The following PPP1R13B variants were observed in gnomAD, a reference collection of about 807,000 sequenced individuals.
The protein encoded by PPP1R13B is protein phosphatase 1 regulatory subunit 13B, also known as apoptosis-stimulating of p53 protein 1.
A neutral mutation model predicts 119.8 loss-of-function variants in PPP1R13B; 44 were observed. The ratio of observed to expected loss-of-function variants is 0.37; its 90% CI spans 0.29 to 0.47. The LOEUF is 0.47. PPP1R13B is among the 20% of genes least tolerant of loss of function. PPP1R13B has a pLI of 0.99. For synonymous variants in PPP1R13B, 542 were observed against 561.5 expected, an observed-to-expected ratio of 0.97 and a Z score of 0.49; for missense variants, 1,227 against 1,413.5, an observed-to-expected ratio of 0.87 and a Z score of 2.12.
intron 15 of PPP1R13B, chr14:103,737,435 C>A: frequency 5.7e-6 from 2 of 351,406 alleles, no homozygotes; most frequent in Non-Finnish European, 1.0e-5. Flanking sequence ...AATTAGCTGG[C>A]TGTGGTGGGA....
chr14:103,840,032 CAA>C (rs1319955022), intron 1 of PPP1R13B: 1 of 152,072 alleles, frequency 6.6e-6, no homozygotes, highest in Non-Finnish European at 1.5e-5. Flanking sequence ...ATGATATCAC[CAA>C]AGATTCTTAT....
chr14:103,755,103 A>G (rs2084644837), intron 5 of PPP1R13B, among the ~76,000 whole-genome samples: 1 of 151,926 alleles, frequency 6.6e-6, no homozygotes, highest in African/African-American at 2.4e-5. Context: ...TATTACACTC[A>G]TCTACACCAG....
At chr14:103,752,787 C>G (rs938407825) in intron 7 of PPP1R13B, among the ~76,000 whole-genome samples, 5 of 152,180 alleles carry the variant, frequency 3.3e-5, no homozygotes, top group African/African-American at 1.2e-4. Flanking sequence ...CCCGCCTCGG[C>G]TTCCCAAAGT....
chr14:103,806,578 T>C (rs149000435), intron 1 of PPP1R13B, among the ~76,000 whole-genome samples: 2 of 152,166 alleles, frequency 1.3e-5, no homozygotes, highest in Non-Finnish European at 2.9e-5. Flanking sequence ...TAAGGTCCCT[T>C]CTGGCCCTGA....
intron 1 of PPP1R13B, among the ~76,000 whole-genome samples, chr14:103,844,088 G>A (rs2086970923): frequency 6.6e-6 from 1 of 151,984 alleles, no homozygotes; most frequent in Non-Finnish European, 1.5e-5. Flanking sequence ...GCAACAAGGT[G>A]AAACCCCGTC....
rs2084169893 is a variant in PPP1R13B, at chr14:103,738,551, G to A, written c.2864+128C>T. Reference sequence around the variant, plus strand: ...ACCCTGGCAACAGCTGTCTTTCAAGGATGAAATGATGGGTGTTCTTGCTCT... The same window carrying A: ...ACCCTGGCAACAGCTGTCTTTCAAGAATGAAATGATGGGTGTTCTTGCTCT... On this transcript the variant is annotated intron_variant, in intron 14 of 16. Coordinates refer to ENST00000202556, the MANE Select transcript of PPP1R13B (RefSeq NM_015316.3). The surrounding 1 kb of genome is among the most constrained non-coding windows in gnomAD (Gnocchi z 5.6). 1 of 1,395,386 alleles carries A rather than the reference G, an allele frequency of 7.2e-7. No homozygotes were observed. Among genetic ancestry groups the A allele is most frequent in the Non-Finnish European group, 9.7e-7 (1 of 1,026,912 alleles). 86.4% of individuals were successfully genotyped at this position (1,395,386 alleles called of 1,614,324 possible).
At chr14:103,743,669 AG>A (rs1379585663) in intron 9 of PPP1R13B, among the ~76,000 whole-genome samples, 1 of 152,256 alleles carries the variant, frequency 6.6e-6, no homozygotes, top group Non-Finnish European at 1.5e-5. Context: ...CCCTCCTGGC[AG>A]GAACAGCACA....
Position 103,739,817 on chromosome 14 carries a change from C to T in PPP1R13B, c.2592+7G>A, listed in dbSNP as rs374163481. On this transcript the variant is annotated splice_region_variant and intron_variant, in intron 12 of 16. Transcript: ENST00000202556. ...AGGCCAGGCTTTGGTCTAGCAATGA[C>T]ACCCACCGTGGAGGTGGCAGGAGGG... 3.3e-5 allele frequency: 52 copies of T among 1,596,462 alleles called. No homozygotes were observed. The highest frequency in any genetic ancestry group is 4.2e-5 in the Non-Finnish European group (49 of 1,170,170).
rs185201167 is a variant in PPP1R13B, at chr14:103,799,209, C to T, written c.10-1691G>A. 3.5e-3 allele frequency among the ~76,000 whole-genome samples: 535 copies of T among 152,008 alleles called. 1 individual carries two copies. Among genetic ancestry groups the T allele is most frequent in the Non-Finnish European group, 4.6e-3 (313 of 67,968 alleles). On this transcript the variant is annotated intron_variant, in intron 1 of 16. Transcript: ENST00000202556. The stretch of plus-strand genomic sequence containing the variant: ...TATTTATTTTTTTGAGATGGAGTCT[C>T]GCTCTGTCACGCAGGCTGGAGTGCA...
chr14:103,847,596 G>C (rs1439296594), upstream of PPP1R13B: 6 of 985,984 alleles, frequency 6.1e-6, no homozygotes, highest in Non-Finnish European at 6.0e-6. Flanking sequence ...CGCCCGGCTC[G>C]CTCTTCAGCC....
intron 4 of PPP1R13B, among the ~76,000 whole-genome samples, chr14:103,771,566 C>T (rs1246496783): frequency 1.3e-5 from 2 of 150,726 alleles, no homozygotes; most frequent in African/African-American, 4.9e-5. Flanking sequence ...CTGCAACCTC[C>T]GCCCCCTGGG....
chr14:103,801,352 G>A (rs1193808565), intron 1 of PPP1R13B, among the ~76,000 whole-genome samples: 3 of 151,974 alleles, frequency 2.0e-5, no homozygotes, highest in African/African-American at 7.3e-5. Flanking sequence ...ATCTCATGAG[G>A]CTTGGATTTC....
intron 7 of PPP1R13B, 50 bp downstream of exon 7, chr14:103,752,950 T>C (rs200751607): frequency 3.3e-5 from 45 of 1,346,122 alleles, no homozygotes; most frequent in East Asian, 2.4e-4. Flanking sequence ...TAATGAAAGA[T>C]AGAAAGATGA....
At chr14:103,818,539 C>T (rs2086330969) in intron 1 of PPP1R13B, 4 of 971,478 alleles carry the variant, frequency 4.1e-6, no homozygotes, top group East Asian at 1.1e-4. Context: ...ACAAATCATA[C>T]ACCAGTTGAT....
intron 1 of PPP1R13B, among the ~76,000 whole-genome samples, chr14:103,843,351 G>A (rs1567166700): frequency 6.6e-6 from 1 of 151,918 alleles, no homozygotes; most frequent in African/African-American, 2.4e-5. Flanking sequence ...TCTAGCCTGG[G>A]TGACAGAGCG....
intron 2 of PPP1R13B, among the ~76,000 whole-genome samples, chr14:103,788,277 T>G (rs1456379477): frequency 2.0e-5 from 3 of 152,162 alleles, no homozygotes; most frequent in Admixed American, 2.0e-4. Flanking sequence ...TGAGTCAGAC[T>G]TACTGTTACC....
intron 1 of PPP1R13B, among the ~76,000 whole-genome samples, chr14:103,832,680 T>C (rs1200409261): frequency 2.0e-5 from 3 of 152,152 alleles, no homozygotes; most frequent in Non-Finnish European, 4.4e-5. Flanking sequence ...ATCCATCAGC[T>C]GGGCATGGTG....
In PPP1R13B at chr14:103,776,186, GAGGAAGGAAGGA is replaced by G. The variant is rs1307197386; in HGVS notation, c.354+2547_354+2558del. ...GAAGGGAAGGAGGGAGGGAGGGAGG[GAGGAAGGAAGGA>G]AGGAAGGAAGGAAGGAAGGAAGGAA... On this transcript the variant is annotated intron_variant, in intron 4 of 16. Coordinates refer to ENST00000202556, the MANE Select transcript of PPP1R13B (RefSeq NM_015316.3). Among the ~76,000 whole-genome samples the G allele has an allele frequency of 2.6e-3, 197 of 75,962 alleles. 9 individuals are homozygous for G. The South Asian group carries it at 0.053, about 21-fold the overall frequency. The allele number at this position is 75,962 out of a possible 152,430, so 49.8% of individuals were successfully genotyped here.
chr14:103,765,519 C>T (rs2084917443), intron 4 of PPP1R13B, among the ~76,000 whole-genome samples: 1 of 152,180 alleles, frequency 6.6e-6, no homozygotes, highest in African/African-American at 2.4e-5. Context: ...CCAGAAGCCT[C>T]AGCAGCAACA....
Sources: allele counts gnomAD v4.1 joint callset (sites outside exome capture counted in the v4.1 genomes callset), GRCh38; gene constraint gnomAD v4.1.1; non-coding constraint Gnocchi (gnomAD v3.1); transcripts MANE v1.5; gene names NCBI Gene and HGNC (gene_info 2026-07-23, HGNC 2026-07-21).